The following NOTCH1 variants were observed in gnomAD, a reference collection of about 807,000 sequenced individuals.
NOTCH1 encodes notch receptor 1, also known as neurogenic locus notch homolog protein 1.
In NOTCH1, 37 loss-of-function variants were observed where a neutral mutation model predicts 254.8. The observed-to-expected ratio is 0.15, with a 90% CI of 0.11 to 0.19. The LOEUF (loss-of-function observed/expected upper bound fraction) is 0.19. NOTCH1 is among the 10% of genes least tolerant of loss of function. NOTCH1 has a pLI of 1.00. For synonymous variants in NOTCH1, 1,731 were observed against 1,618.1 expected (o/e 1.07, Z -1.68); for missense variants, 2,972 against 3,708.6 (o/e 0.80, Z 5.16).
intron 9 of NOTCH1, 50 bp downstream of exon 9, chr9:136,517,222 G>C (rs1455727105): frequency 8.2e-7 from 1 of 1,214,264 alleles, no homozygotes; most frequent in Non-Finnish European, 1.2e-6. Flanking sequence ...CACCCCTCAG[G>C]AGGCCAGGGT....
chr9:136,497,117 C>T lies in NOTCH1; in HGVS notation c.6622G>A (p.Gly2208Ser). 1 of 1,612,192 alleles carries T rather than the reference C, an allele frequency of 6.2e-7. No individual in the cohort carries two copies. Among genetic ancestry groups the T allele is most frequent in the Non-Finnish European group, 8.5e-7 (1 of 1,179,646 alleles). The stretch of plus-strand genomic sequence containing the variant: ...GGCGAGGCCACGTCTGACAGGTAGC[C>T]ATGGGGTGACTCCAGGGAGTCCACG... The part of the protein sequence containing the change: ...SPVDSLESPH[G>S]YLSDVASPPL... The change falls in exon 34 of 34, where the codon GGC becomes AGC. Residue 2208 changes from glycine (G) to serine (S), a missense_variant. Physicochemically the swap from Gly to Ser is moderately conservative, Grantham distance 56 (BLOSUM62 0). Coordinates refer to ENST00000651671, the MANE Select transcript of NOTCH1 (RefSeq NM_017617.5).
intron 3 of NOTCH1, 21 bp from the exon 4 acceptor site, chr9:136,523,209 G>A: frequency 6.3e-7 from 1 of 1,575,524 alleles, no homozygotes. Flanking sequence ...GGGGACAAGA[G>A]GGTCGTGCTG....
chr9:136,498,758 G>A (rs1290913317), intron 33 of NOTCH1, 141 bp downstream of exon 33: 3 of 927,658 alleles, frequency 3.2e-6, no homozygotes, highest in Admixed American at 1.8e-5. Context: ...GCATCATGCG[G>A]GTGGGGCCCA....
intron 33 of NOTCH1, 41 bp from the exon 34 acceptor site, chr9:136,497,599 A>G (rs774872084): frequency 2.0e-6 from 3 of 1,500,492 alleles, no homozygotes; most frequent in African/African-American, 2.7e-5. Context: ...GGGCCAGGCC[A>G]GGCGTGGGGA....
At chr9:136,528,399 G>GGGCAGGGACAGTGGGGGGC (rs1843504155) in intron 2 of NOTCH1, among the ~76,000 whole-genome samples, 1 of 16,032 alleles carries the variant, frequency 6.2e-5, no homozygotes, top group Non-Finnish European at 9.4e-5. Context: ...CAGTGGGGGG[G>GGGCAGGGACAGTGGGGGGC]GATGGGCAGG....
intron 1 of NOTCH1, among the ~76,000 whole-genome samples, chr9:136,544,855 G>A (rs1452066911): frequency 8.5e-5 from 13 of 152,096 alleles, no homozygotes; most frequent in Admixed American, 8.5e-4. Flanking sequence ...ATCTCGAGAA[G>A]GGATCAATTA....
intron 3 of NOTCH1, among the ~76,000 whole-genome samples, chr9:136,523,509 C>T (rs558769904): frequency 2.8e-4 from 42 of 152,066 alleles, no homozygotes; most frequent in Admixed American, 2.0e-3. Context: ...CTCGCAGAAG[C>T]GGGGACAGCA....
At position 136,507,558 on chromosome 9, in the gene NOTCH1, C is replaced by T. The variant is rs965223528; in HGVS notation, c.3511-121G>A. On this transcript the variant is annotated intron_variant, in intron 21 of 33. Coordinates refer to ENST00000651671, the MANE Select transcript of NOTCH1 (RefSeq NM_017617.5). The stretch of plus-strand genomic sequence containing the variant: ...GCTGCCCTCAGGTCCAGCGAAGCCA[C>T]GGGCCCCTCGCTCCTGTCAGACCTG... 5.2e-5 allele frequency: 71 copies of T among 1,377,888 alleles called. No individual in the cohort carries two copies. The African/African-American group carries it at 8.5e-4, about 16-fold the overall frequency. The allele number at this position is 1,377,888 out of a possible 1,614,324, so 85.4% of individuals were successfully genotyped here. A position where few individuals can be genotyped will look rare whatever the true frequency, so the allele number is the denominator to read the frequency against.
chr9:136,507,179 C>T, intron 22 of NOTCH1, 126 bp downstream of exon 22: 2 of 1,550,164 alleles, frequency 1.3e-6, no homozygotes, highest in Non-Finnish European at 1.8e-6. Flanking sequence ...TCGGCCTTGG[C>T]CTCACACAGG....
At chr9:136,530,149 G>A (rs1843536359) in intron 2 of NOTCH1, among the ~76,000 whole-genome samples, 1 of 152,226 alleles carries the variant, frequency 6.6e-6, no homozygotes, top group Non-Finnish European at 1.5e-5. Context: ...GGGGGTCGCG[G>A]CCGGCCCGCC....
At chr9:136,535,941 GAGA>G (rs1450371424) in intron 2 of NOTCH1, among the ~76,000 whole-genome samples, 1 of 124,828 alleles carries the variant, frequency 8.0e-6, no homozygotes, top group Middle Eastern at 4.5e-3. Context: ...AGGGTGGGTG[GAGA>G]GGGGAGCACT....
rs3124998 is a variant in NOTCH1 at position 136,494,980 on chromosome 9, C to T, written c.*1091G>A. The T allele has an allele frequency of 0.042, 16,628 of 398,852 alleles. 948 individuals are homozygous for T. The highest frequency in any genetic ancestry group is 0.21 in the East Asian group (5,969 of 28,186). The allele number at this position is 398,852 out of a possible 1,614,324, so 24.7% of individuals were successfully genotyped here. ...GGACAGGACCAAAGGACGCAGCCCACGGCGTTGCACAGCTCAATGTGCCCG... is the reference window on the plus strand; with the variant it reads ...GGACAGGACCAAAGGACGCAGCCCATGGCGTTGCACAGCTCAATGTGCCCG... On this transcript the variant is annotated 3_prime_UTR_variant, in exon 34 of 34. Coordinates refer to ENST00000651671, the MANE Select transcript of NOTCH1 (RefSeq NM_017617.5).
Position 136,505,862 on chromosome 9 carries a change from C to T in NOTCH1, c.4034G>A (p.Cys1345Tyr), listed in dbSNP as rs2133341259. 2 of 1,593,496 alleles carry T rather than the reference C, an allele frequency of 1.3e-6. No homozygotes were observed. The highest frequency in any genetic ancestry group is 1.7e-6 in the Non-Finnish European group (2 of 1,177,742). The change falls in exon 25 of 34, where the codon TGT becomes TAT. Residue 1345 changes from cysteine (C) to tyrosine (Y), a missense_variant. By Grantham distance (194) the Cys-to-Tyr change is radical (BLOSUM62 -2). Around this residue, in one of 8 missense-constraint regions of NOTCH1, gnomAD observed 1,343 missense variants for 1,557.0 expected, o/e 0.86. Coordinates refer to ENST00000651671, the MANE Select transcript of NOTCH1 (RefSeq NM_017617.5). Reference sequence around the variant, plus strand: ...GCCGCAGGTACGAGCGTCATTCTCACACGTGGCGCCCTCGAAGCCCTGCCC... The same window carrying T: ...GCCGCAGGTACGAGCGTCATTCTCATACGTGGCGCCCTCGAAGCCCTGCCC... Reference protein sequence around the residue: ...KCPAGFEGATCENDARTCGSL... With the variant: ...KCPAGFEGATYENDARTCGSL...
intron 2 of NOTCH1, among the ~76,000 whole-genome samples, chr9:136,536,188 G>A (rs907053455): frequency 7.9e-5 from 12 of 152,164 alleles, no homozygotes; most frequent in Admixed American, 2.6e-4. Context: ...ATGCTAACAC[G>A]CACGCATCCT....
Position 136,496,492 on chromosome 9 carries a change from T to TGTG in NOTCH1, c.7244_7246dup (p.Pro2415dup), listed in dbSNP as rs762336270. On this transcript the variant is annotated inframe_insertion, in exon 34 of 34. Coordinates refer to ENST00000651671, the MANE Select transcript of NOTCH1 (RefSeq NM_017617.5). ...TGCTGAGCTCACGCCAAGGTGCGGC[T>TGTG]GTGGTGGTGGTGGTGGCGGCTGCAG... 8.1e-6 allele frequency: 13 copies of TGTG among 1,601,862 alleles called. No individual in the cohort carries two copies. In the Admixed American group the frequency reaches 8.3e-5, roughly 10 times the overall value.
chr9:136,502,324 C>G lies in NOTCH1; in HGVS notation c.5332G>C (p.Ala1778Pro), dbSNP rs986394043. 7 of 1,612,516 alleles carry G rather than the reference C, an allele frequency of 4.3e-6. No homozygotes were observed. Among genetic ancestry groups the G allele is most frequent in the Non-Finnish European group, 5.9e-6 (7 of 1,179,818 alleles). The change falls in exon 28 of 34, where the codon GCC (alanine) becomes CCC (proline). Residue 1778 changes from alanine to proline, a missense_variant. By Grantham distance (27) the Ala-to-Pro change is conservative. This residue lies in a region of NOTCH1 where 421 missense variants were observed against 604.4 expected (regional missense o/e 0.70). Coordinates refer to ENST00000651671, the MANE Select transcript of NOTCH1 (RefSeq NM_017617.5). ...GGCTCCCGCCGCTTCTTCTTGCTGG[C>G]CTCAGACACTTTGAAGCCCTCAGGG... ...WFPEGFKVSE[A>P]SKKKRREPLG...
At chr9:136,533,481 C>A (rs1328231557) in intron 2 of NOTCH1, among the ~76,000 whole-genome samples, 2 of 152,392 alleles carry the variant, frequency 1.3e-5, no homozygotes, top group South Asian at 2.1e-4. Flanking sequence ...CGGCACGGGG[C>A]TCATCTGTCC....
At chr9:136,528,175 G>C (rs1262196934) in intron 2 of NOTCH1, among the ~76,000 whole-genome samples, 1 of 150,424 alleles carries the variant, frequency 6.6e-6, no homozygotes, top group African/African-American at 2.5e-5. Context: ...CTGCCCTCAA[G>C]GAGTTTATGG....
chr9:136,524,046 C>G lies in NOTCH1; in HGVS notation c.141-67G>C, dbSNP rs925102872. 9.2e-6 allele frequency: 14 copies of G among 1,527,566 alleles called. No homozygotes were observed. The African/African-American group carries it at 1.8e-4, about 19-fold the overall frequency. 94.6% of individuals were successfully genotyped at this position (1,527,566 alleles called of 1,614,324 possible). A position where few individuals can be genotyped will look rare whatever the true frequency, so the allele number is the denominator to read the frequency against. ...CCCCAGCGCCCCCGCCACTCAGCAC[C>G]GGGAACCTGTCATGGGCACAGCCGC... On this transcript the variant is annotated intron_variant, in intron 2 of 33. Transcript: ENST00000651671.
Sources: gnomAD v4.1 joint callset for allele counts (sites outside exome capture counted in the v4.1 genomes callset) on GRCh38, gnomAD v4.1.1 for gene constraint, gnomAD v4.1.1 regional missense constraint, MANE v1.5 for transcripts, NCBI Gene and HGNC (gene_info 2026-07-23, HGNC 2026-07-21) for gene names.